RCOR1: variants seen among roughly 807,000 people sequenced by gnomAD.
RCOR1 encodes REST corepressor.
A neutral mutation model predicts 64.0 loss-of-function variants in RCOR1; 12 were observed. The observed-to-expected ratio is 0.19, with a 90% CI of 0.12 to 0.30. RCOR1 has a LOEUF of 0.30. Among genes scored for constraint, RCOR1 ranks in the 10% least tolerant of loss-of-function variants. The pLI is 1.00. For missense variants in RCOR1, 502 were observed against 621.2 expected (o/e 0.81, Z 2.04); for synonymous variants, 279 against 227.2 (o/e 1.23, Z -2.05).
chr14:102,722,081 A>G, intron 10 of RCOR1, 106 bp from the exon 11 acceptor site: 1 of 793,768 alleles, frequency 1.3e-6, no homozygotes, highest in Non-Finnish European at 2.0e-6. Flanking sequence ...GCCTGCTGTT[A>G]AAAGCCTGTA....
At chr14:102,650,992 G>A (rs1894576868) in intron 2 of RCOR1, 1 of 868,942 alleles carries the variant, frequency 1.2e-6, no homozygotes, top group Non-Finnish European at 1.4e-6. Flanking sequence ...ATAGAATACA[G>A]GTATCTTAAT....
In RCOR1 at chr14:102,614,346, C is replaced by A. The variant is rs543108876; in HGVS notation, c.361+21021C>A. On this transcript the variant is annotated intron_variant, in intron 2 of 11. Coordinates refer to ENST00000262241, the MANE Select transcript of RCOR1 (RefSeq NM_015156.4). The stretch of plus-strand genomic sequence containing the variant: ...TTCACTCCATTCTCCTGCCTCAGCC[C>A]CCCGAGTAGCTGGGACTACAGGCAC... Among the ~76,000 whole-genome samples, 21 of 151,496 alleles carry A rather than the reference C, an allele frequency of 1.4e-4. 1 individual carries two copies. The highest frequency in any genetic ancestry group is 5.1e-4 in the African/African-American group (21 of 41,288).
intron 6 of RCOR1, among the ~76,000 whole-genome samples, chr14:102,709,776 A>G (rs749927993): frequency 3.9e-5 from 6 of 152,370 alleles, no homozygotes; most frequent in South Asian, 2.1e-4. Context: ...TTTACTGTCT[A>G]TATAGTAAGT....
chr14:102,638,374 T>C (rs1046392571), intron 2 of RCOR1, among the ~76,000 whole-genome samples: 2 of 152,320 alleles, frequency 1.3e-5, no homozygotes, highest in East Asian at 1.9e-4. Flanking sequence ...TTGTCTTCTT[T>C]TCTTTCTTTT....
At chr14:102,604,501 C>T (rs574481321) in intron 2 of RCOR1, among the ~76,000 whole-genome samples, 15 of 152,164 alleles carry the variant, frequency 9.9e-5, no homozygotes, top group African/African-American at 3.1e-4. Flanking sequence ...ATCATTTGAC[C>T]CTCACAACAG....
chr14:102,639,627 G>A (rs910838297), intron 2 of RCOR1, among the ~76,000 whole-genome samples: 7 of 150,840 alleles, frequency 4.6e-5, no homozygotes, highest in Non-Finnish European at 7.4e-5. Flanking sequence ...TCCTCCTCCT[G>A]GGTTCAAGAG....
intron 3 of RCOR1, among the ~76,000 whole-genome samples, chr14:102,685,329 G>A (rs2033384033): frequency 6.6e-6 from 1 of 151,690 alleles, no homozygotes; most frequent in Non-Finnish European, 1.5e-5. Flanking sequence ...ACTGTAACTA[G>A]TATGGATGTA....
intron 2 of RCOR1, among the ~76,000 whole-genome samples, chr14:102,625,838 T>C (rs35869274): frequency 0.018 from 2,673 of 152,268 alleles, 37 homozygotes; most frequent in Non-Finnish European, 0.027. Flanking sequence ...TATTTCAGTA[T>C]GCCTAATGAT....
chr14:102,647,593 A>G (rs1894503069), intron 2 of RCOR1, among the ~76,000 whole-genome samples: 1 of 152,198 alleles, frequency 6.6e-6, no homozygotes, highest in South Asian at 2.1e-4. Context: ...TGCTGGGATT[A>G]CAGGCGTGAG....
At chr14:102,652,277 C>G (rs948523738) in intron 2 of RCOR1, among the ~76,000 whole-genome samples, 2 of 152,178 alleles carry the variant, frequency 1.3e-5, no homozygotes, top group African/African-American at 4.8e-5. Context: ...CTCCTTCAGT[C>G]TAGGCAGAGC....
intron 2 of RCOR1, among the ~76,000 whole-genome samples, chr14:102,636,262 T>A (rs566475989): frequency 2.6e-4 from 40 of 151,344 alleles, no homozygotes; most frequent in Admixed American, 1.7e-3. Context: ...CTAAAAAAAA[T>A]TTTTTTTAAC....
chr14:102,724,907 C>G (rs1276966096), intron 11 of RCOR1, among the ~76,000 whole-genome samples: 3 of 152,114 alleles, frequency 2.0e-5, no homozygotes, highest in Non-Finnish European at 4.4e-5. Flanking sequence ...CTTGCCTGTC[C>G]CTTCTGCCCT....
intron 2 of RCOR1, among the ~76,000 whole-genome samples, chr14:102,676,240 G>C (rs1272521908): frequency 6.7e-6 from 1 of 150,334 alleles, no homozygotes; most frequent in Non-Finnish European, 1.5e-5. Context: ...CCTCCCAGAC[G>C]GGGTCGTGGC....
chr14:102,683,408 A>T (rs185696619), intron 3 of RCOR1, among the ~76,000 whole-genome samples: 1 of 152,300 alleles, frequency 6.6e-6, no homozygotes, highest in Non-Finnish European at 1.5e-5. Flanking sequence ...AACCGGCCAG[A>T]AAAACAGACT....
chr14:102,599,849 C>G (rs1036354708), intron 2 of RCOR1, among the ~76,000 whole-genome samples: 3 of 148,050 alleles, frequency 2.0e-5, no homozygotes, highest in African/African-American at 5.0e-5. Flanking sequence ...GTCACACAGG[C>G]TAGAGTGCAG....
chr14:102,621,655 G>A (rs1383061482), intron 2 of RCOR1, among the ~76,000 whole-genome samples: 1 of 151,982 alleles, frequency 6.6e-6, no homozygotes, highest in African/African-American at 2.4e-5. Flanking sequence ...ACAAGGGTAG[G>A]GCTCTTTGTG....
intron 2 of RCOR1, among the ~76,000 whole-genome samples, chr14:102,652,170 T>A (rs1242888009): frequency 2.2e-4 from 33 of 152,256 alleles, no homozygotes; most frequent in Non-Finnish European, 4.9e-4. Flanking sequence ...AGACGTTTGC[T>A]ACTTGTTTTA....
chr14:102,679,668 C>T (rs1895263100), intron 2 of RCOR1, among the ~76,000 whole-genome samples: 1 of 151,994 alleles, frequency 6.6e-6, no homozygotes, highest in African/African-American at 2.4e-5. Context: ...TTAGTATAGA[C>T]GGGGTTTCAT....
chr14:102,712,696 ATTGG>A (rs1895985435), intron 7 of RCOR1, among the ~76,000 whole-genome samples: 1 of 150,828 alleles, frequency 6.6e-6, no homozygotes, highest in Non-Finnish European at 1.5e-5. Flanking sequence ...ATATCACCAA[ATTGG>A]AAATTGGTCG....
Sources: allele counts gnomAD v4.1 joint callset (sites outside exome capture counted in the v4.1 genomes callset), GRCh38; gene constraint gnomAD v4.1.1; transcripts MANE v1.5; gene names NCBI Gene and HGNC (gene_info 2026-07-23, HGNC 2026-07-21).